Variants in SLC9A2 observed in about 807,000 individuals in gnomAD.
The protein encoded by SLC9A2 is sodium/hydrogen exchanger 2.
In SLC9A2, 42 loss-of-function variants were observed where a neutral mutation model predicts 71.7. The observed-to-expected ratio is 0.59, with a 90% CI of 0.46 to 0.76. SLC9A2 has a LOEUF of 0.76. Among genes scored for constraint, SLC9A2 ranks in the 30% least tolerant of loss-of-function variants. SLC9A2 has a pLI of 0.00. For synonymous variants in SLC9A2, 396 were observed against 392.5 expected (o/e 1.01, Z -0.10); for missense variants, 829 against 1,017.4 (o/e 0.81, Z 2.52).
At chr2:102,670,451 G>A (rs1383858896) in intron 3 of SLC9A2, among the ~76,000 whole-genome samples, 1 of 151,744 alleles carries the variant, frequency 6.6e-6, no homozygotes, top group East Asian at 1.9e-4. Flanking sequence ...GTAGAAAATG[G>A]TGATTAGTTT....
At chr2:102,655,264 C>T (rs1263598183) in intron 1 of SLC9A2, among the ~76,000 whole-genome samples, 1 of 144,472 alleles carries the variant, frequency 6.9e-6, no homozygotes, top group African/African-American at 2.6e-5. Context: ...AGTGATTCTC[C>T]TGCCTCAGTC....
chr2:102,667,262 T>C (rs73947633), intron 3 of SLC9A2, among the ~76,000 whole-genome samples: 1 of 152,204 alleles, frequency 6.6e-6, no homozygotes, highest in African/African-American at 2.4e-5. Context: ...TGAAAATGTA[T>C]GACCAGCTAG....
At chr2:102,639,400 G>A (rs139032500) in intron 1 of SLC9A2, among the ~76,000 whole-genome samples, 606 of 152,286 alleles carry the variant, frequency 4.0e-3, no homozygotes, top group Non-Finnish European at 6.5e-3. Flanking sequence ...GGCTTTGCAC[G>A]TTTTATATCA....
At chr2:102,652,926 T>TG (rs1676861638) in intron 1 of SLC9A2, among the ~76,000 whole-genome samples, 1 of 152,202 alleles carries the variant, frequency 6.6e-6, no homozygotes, top group Admixed American at 6.5e-5. Context: ...AAGAAATACT[T>TG]GGGGGAGGAA....
chr2:102,689,436 C>T (rs1328678026), intron 5 of SLC9A2, among the ~76,000 whole-genome samples: 1 of 152,132 alleles, frequency 6.6e-6, no homozygotes, highest in Non-Finnish European at 1.5e-5. Flanking sequence ...TAGCCTCTCC[C>T]AGCAATTACA....
intron 1 of SLC9A2, among the ~76,000 whole-genome samples, chr2:102,655,369 G>T (rs866481309): frequency 1.3e-5 from 2 of 151,948 alleles, no homozygotes; most frequent in African/African-American, 2.4e-5. Flanking sequence ...GGCCAAGCTG[G>T]TCTCAAACTT....
In SLC9A2 at chr2:102,694,368, A is replaced by C. The variant is rs745336787; in HGVS notation, c.1426-46A>C. The stretch of plus-strand genomic sequence containing the variant: ...AATTTTTATATTAAACAATTTATAA[A>C]TTGTATAAATATATATGAAATGCTT... On this transcript the variant is annotated intron_variant, in intron 5 of 11. Coordinates refer to ENST00000233969, the MANE Select transcript of SLC9A2 (RefSeq NM_003048.6). The C allele has an allele frequency of 8.2e-6, 6 of 735,928 alleles. No homozygotes were observed. In the East Asian group the frequency reaches 1.4e-4, roughly 17 times the overall value. The allele number at this position is 735,928 out of a possible 1,614,324, so 45.6% of individuals were successfully genotyped here. A position where few individuals can be genotyped will look rare whatever the true frequency, so the allele number is the denominator to read the frequency against.
intron 5 of SLC9A2, among the ~76,000 whole-genome samples, chr2:102,686,052 G>C (rs1157694809): frequency 6.6e-6 from 1 of 152,190 alleles, no homozygotes; most frequent in Non-Finnish European, 1.5e-5. Context: ...GGAAGATCAG[G>C]AGATGTGCGT....
At position 102,706,351 on chromosome 2, in the gene SLC9A2, A is replaced by G. The variant is rs1375798600; in HGVS notation, c.2068+415A>G. Reference sequence around the variant, plus strand: ...AAAAAAAAAAAAAAAAAAAAAAGAAAAAAAAAAAAAGAATGAGTTCCAATG... The same window carrying G: ...AAAAAAAAAAAAAAAAAAAAAAGAAGAAAAAAAAAAGAATGAGTTCCAATG... On this transcript the variant is annotated intron_variant, in intron 11 of 11. Coordinates refer to ENST00000233969, the MANE Select transcript of SLC9A2 (RefSeq NM_003048.6). Among the ~76,000 whole-genome samples the G allele has an allele frequency of 2.3e-4, 2 of 8,532 alleles. 1 individual carries two copies. The highest frequency in any genetic ancestry group is 7.8e-3 in the East Asian group (2 of 258). The allele number at this position is 8,532 out of a possible 152,430, so 5.6% of individuals were successfully genotyped here. A position where few individuals can be genotyped will look rare whatever the true frequency, so the allele number is the denominator to read the frequency against.
chr2:102,684,240 T>C lies in SLC9A2; in HGVS notation c.1329T>C (p.Phe443=), dbSNP rs751853343. 3.7e-5 allele frequency: 59 copies of C among 1,614,098 alleles called. No homozygotes were observed. Among genetic ancestry groups the C allele is most frequent in the Non-Finnish European group, 1.7e-6 (2 of 1,180,038 alleles). ...AYGGLRGAIC[F]ALVFLLPAAV... ...GAGGACTTCGAGGTGCCATCTGTTT[T>C]GCGTTAGTGTTTCTCCTTCCTGCTG... Residue 443 remains phenylalanine, a synonymous_variant, in exon 5 of 12, where the codon TTT becomes TTC. Coordinates refer to ENST00000233969, the MANE Select transcript of SLC9A2 (RefSeq NM_003048.6).
chr2:102,708,537 G>A lies in SLC9A2; in HGVS notation c.*48G>A. The A allele has an allele frequency of 6.4e-7, 1 of 1,569,392 alleles. No homozygotes were observed. Among genetic ancestry groups the A allele is most frequent in the Non-Finnish European group, 8.6e-7 (1 of 1,158,434 alleles). On this transcript the variant is annotated 3_prime_UTR_variant, in exon 12 of 12. Transcript: ENST00000233969. ...GAGTGTCTGACCCAGGACAGCTGTG[G>A]TTTGTCACTCTGAAACCTGATGCAA...
At chr2:102,684,442 T>C in intron 5 of SLC9A2, 106 bp downstream of exon 5, 1 of 1,009,504 alleles carries the variant, frequency 9.9e-7, no homozygotes, top group East Asian at 2.4e-5. Context: ...ACTTTGGTAG[T>C]TAATTACTAG....
intron 6 of SLC9A2, 63 bp from the exon 7 acceptor site, chr2:102,694,980 G>A: frequency 1.5e-6 from 2 of 1,363,812 alleles, no homozygotes; most frequent in Non-Finnish European, 1.0e-6. Context: ...AATGATACAA[G>A]TAGAGTGAAA....
At chr2:102,640,347 C>A (rs1346447781) in intron 1 of SLC9A2, among the ~76,000 whole-genome samples, 1 of 152,212 alleles carries the variant, frequency 6.6e-6, no homozygotes, top group African/African-American at 2.4e-5. Flanking sequence ...ACCCTAACCA[C>A]CTGGAGTCGG....
At position 102,620,895 on chromosome 2, in the gene SLC9A2, G is replaced by A. The variant is rs1406168079; in HGVS notation, c.289+758G>A. Among the ~76,000 whole-genome samples the A allele has an allele frequency of 1.3e-5, 2 of 152,044 alleles. 1 individual carries two copies. Among genetic ancestry groups the A allele is most frequent in the Non-Finnish European group, 2.9e-5 (2 of 68,012 alleles). ...AGTACAAAAATAAAAAATTGGCCGG[G>A]CGAGGTGATTCACGCCTGTAATCCC... On this transcript the variant is annotated intron_variant, in intron 1 of 11. Coordinates refer to ENST00000233969, the MANE Select transcript of SLC9A2 (RefSeq NM_003048.6).
At chr2:102,648,856 A>G (rs1013569480) in intron 1 of SLC9A2, among the ~76,000 whole-genome samples, 3 of 152,234 alleles carry the variant, frequency 2.0e-5, no homozygotes, top group African/African-American at 7.2e-5. Context: ...ATGGAAAAAC[A>G]TTCCATGCTC....
chr2:102,680,752 G>A (rs1031209321), intron 3 of SLC9A2, among the ~76,000 whole-genome samples: 3 of 152,174 alleles, frequency 2.0e-5, no homozygotes, highest in Admixed American at 2.0e-4. Context: ...TTGTGGATGT[G>A]ATTAGGTGAA....
chr2:102,649,345 G>A (rs528079335), intron 1 of SLC9A2, among the ~76,000 whole-genome samples: 13 of 152,030 alleles, frequency 8.6e-5, no homozygotes, highest in Non-Finnish European at 1.5e-4. Context: ...AAAGGCTTAA[G>A]TGTAAAACCT....
At chr2:102,677,172 A>G (rs1159291870) in intron 3 of SLC9A2, among the ~76,000 whole-genome samples, 4 of 152,242 alleles carry the variant, frequency 2.6e-5, no homozygotes, top group African/African-American at 4.8e-5. Context: ...AAAGCAGGTT[A>G]ATAATGGAGT....
Sources: gnomAD v4.1 joint callset for allele counts (sites outside exome capture counted in the v4.1 genomes callset) on GRCh38, gnomAD v4.1.1 for gene constraint, MANE v1.5 for transcripts, NCBI Gene and HGNC (gene_info 2026-07-23, HGNC 2026-07-21) for gene names.